DNAJC6: variants seen among roughly 807,000 people sequenced by gnomAD.
The protein encoded by DNAJC6 is DnaJ heat shock protein family (Hsp40) member C6.
Under a neutral mutation model 110.0 loss-of-function variants are expected in DNAJC6, and 34 were observed. The ratio of observed to expected loss-of-function variants is 0.31; its 90% CI spans 0.24 to 0.41. DNAJC6 has a LOEUF of 0.41. Among genes scored for constraint, DNAJC6 ranks in the 10% least tolerant of loss-of-function variants. DNAJC6 has a pLI of 1.00. For synonymous variants in DNAJC6, 406 were observed against 437.2 expected (o/e 0.93, Z 0.89); for missense variants, 1,031 against 1,207.8 (o/e 0.85, Z 2.17).
At position 65,364,614 on chromosome 1, in the gene DNAJC6, G is replaced by GT. The variant is rs58549467; in HGVS notation, c.194-6dup. On this transcript the variant is annotated intron_variant, in intron 1 of 18. Transcript: ENST00000371069. ...CTGCCATCACCATTTTTGTTTGTTT[G>GT]TTTTTTTTTTTTTTTGGCAGGTGCC... 0.025 allele frequency: 35,061 copies of GT among 1,385,434 alleles called. 11 individuals carry two copies. The highest frequency in any genetic ancestry group is 0.028 in the Non-Finnish European group (29,272 of 1,041,168). 85.8% of individuals were successfully genotyped at this position (1,385,434 alleles called of 1,614,324 possible). A position where few individuals can be genotyped will look rare whatever the true frequency, so the allele number is the denominator to read the frequency against.
intron 13 of DNAJC6, among the ~76,000 whole-genome samples, chr1:65,396,252 C>T (rs1570370779): frequency 1.3e-5 from 2 of 152,274 alleles, no homozygotes; most frequent in South Asian, 2.1e-4. Context: ...ATGTTGACTA[C>T]CTGTAGGAGA....
At chr1:65,392,970 A>G in intron 12 of DNAJC6, 105 bp downstream of exon 12, 1 of 1,095,702 alleles carries the variant, frequency 9.1e-7, no homozygotes, top group Non-Finnish European at 1.2e-6. Context: ...TTCTGATTTC[A>G]CTGTAAGTCC....
intron 1 of DNAJC6, among the ~76,000 whole-genome samples, chr1:65,364,112 C>T (rs1293126818): frequency 2.0e-5 from 3 of 152,068 alleles, no homozygotes; most frequent in East Asian, 1.9e-4. Flanking sequence ...AAATGTAGTA[C>T]AATAAAGGCC....
chr1:65,350,847 G>A (rs1254432207), intron 1 of DNAJC6, among the ~76,000 whole-genome samples: 1 of 152,154 alleles, frequency 6.6e-6, no homozygotes, highest in African/African-American at 2.4e-5. Context: ...TCCAACATAT[G>A]CCAGCATTTA....
chr1:65,368,242 T>A (rs1475766486), intron 4 of DNAJC6, among the ~76,000 whole-genome samples: 1 of 152,136 alleles, frequency 6.6e-6, no homozygotes, highest in Non-Finnish European at 1.5e-5. Flanking sequence ...AAGGCTTATA[T>A]AGGTCAGAGG....
intron 4 of DNAJC6, among the ~76,000 whole-genome samples, chr1:65,375,706 G>T (rs1178538064): frequency 6.6e-6 from 1 of 152,228 alleles, no homozygotes; most frequent in African/African-American, 2.4e-5. Flanking sequence ...GATTACAGGC[G>T]TGAGCCACCA....
Position 65,392,524 on chromosome 1 carries a change from C to G in DNAJC6, c.1562C>G (p.Ser521Cys). ...TCAGATGATGAACTTCTGACACTTT[C>G]CAGTCCGCATGGCAATGCCAATGGT... ...EQSDDELLTL[S>C]SPHGNANGDK... Residue 521 changes from serine (S) to cysteine (C), a missense_variant, in exon 12 of 19, where the codon TCC becomes TGC. By Grantham distance (112) the Ser-to-Cys change is moderately radical. Coordinates refer to ENST00000371069, the MANE Select transcript of DNAJC6 (RefSeq NM_001256864.2). The G allele has an allele frequency of 6.2e-7, 1 of 1,614,066 alleles. No individual in the cohort carries two copies. The highest frequency in any genetic ancestry group is 8.5e-7 in the Non-Finnish European group (1 of 1,179,992).
In DNAJC6 at chr1:65,386,021, A is replaced by G. The variant is rs991865113; in HGVS notation, c.995+115A>G. Reference sequence around the variant, plus strand: ...ACTATATCATTGTGAAATAGCTGATATATAAAAAATGTTCAACATCAGTGG... The same window carrying G: ...ACTATATCATTGTGAAATAGCTGATGTATAAAAAATGTTCAACATCAGTGG... On this transcript the variant is annotated intron_variant, in intron 7 of 18. Transcript: ENST00000371069. 9 of 1,091,774 alleles carry G rather than the reference A, an allele frequency of 8.2e-6. No individual in the cohort carries two copies. The African/African-American group carries it at 1.3e-4, about 15-fold the overall frequency. 67.6% of individuals were successfully genotyped at this position (1,091,774 alleles called of 1,614,324 possible).
chr1:65,317,017 A>G (rs1161165655), intron 1 of DNAJC6, among the ~76,000 whole-genome samples: 1 of 151,984 alleles, frequency 6.6e-6, no homozygotes, highest in Non-Finnish European at 1.5e-5. Flanking sequence ...AGATCTGTGT[A>G]TTTCTTAATC....
chr1:65,364,636 T>C lies in DNAJC6; in HGVS notation c.195T>C (p.Gly65=). 1 of 1,563,382 alleles carries C rather than the reference T, an allele frequency of 6.4e-7. No homozygotes were observed. The highest frequency in any genetic ancestry group is 8.6e-7 in the Non-Finnish European group (1 of 1,165,352). The stretch of plus-strand genomic sequence containing the variant: ...TTTGTTTTTTTTTTTTTTTGGCAGG[T>C]GCCTCATCTCCAGACATGGAGCCCA... The part of the protein sequence containing the change: ...PDRASTMDSS[G]ASSPDMEPSY... The change falls in exon 2 of 19, where the codon GGT becomes GGC. Residue 65 remains glycine, a splice_region_variant and synonymous_variant. Transcript: ENST00000371069.
At chr1:65,280,108 C>T (rs1311997168) in intron 1 of DNAJC6, among the ~76,000 whole-genome samples, 1 of 152,114 alleles carries the variant, frequency 6.6e-6, no homozygotes, top group Admixed American at 6.5e-5. Flanking sequence ...AGGCACCTAG[C>T]ATAATATCTA....
intron 1 of DNAJC6, among the ~76,000 whole-genome samples, chr1:65,301,651 C>T (rs1644979644): frequency 6.6e-6 from 1 of 152,144 alleles, no homozygotes. Context: ...TGCCAAGCTG[C>T]CATGCCCTCT....
chr1:65,358,896 C>T lies in DNAJC6; in HGVS notation c.194-5739C>T, dbSNP rs186047296. ...AGTATTTTATGGGGGAGCATTTCTT[C>T]TTAGAGGACCAGATGGAATTATCCA... On this transcript the variant is annotated intron_variant, in intron 1 of 18. Transcript: ENST00000371069. 2.3e-4 allele frequency among the ~76,000 whole-genome samples: 35 copies of T among 152,228 alleles called. No homozygotes were observed. In the East Asian group the frequency reaches 5.6e-3, roughly 24 times the overall value.
chr1:65,332,909 G>T (rs964084229), intron 1 of DNAJC6, among the ~76,000 whole-genome samples: 5 of 152,128 alleles, frequency 3.3e-5, no homozygotes, highest in African/African-American at 9.7e-5. Context: ...TTCAAACCTG[G>T]GATTTATAGA....
At chr1:65,388,488 G>T in intron 9 of DNAJC6, 73 bp downstream of exon 9, 1 of 1,361,392 alleles carries the variant, frequency 7.3e-7, no homozygotes. Flanking sequence ...ATGGCACCAG[G>T]CTGTAGCATA....
At chr1:65,278,538 A>T (rs1423246250) in intron 1 of DNAJC6, among the ~76,000 whole-genome samples, 3 of 152,224 alleles carry the variant, frequency 2.0e-5, no homozygotes, top group Non-Finnish European at 4.4e-5. Context: ...ATAGTCTGTT[A>T]CTTAATCTGG....
chr1:65,297,253 A>G (rs919508101), intron 1 of DNAJC6, among the ~76,000 whole-genome samples: 1 of 152,112 alleles, frequency 6.6e-6, no homozygotes, highest in African/African-American at 2.4e-5. Flanking sequence ...TCTTGAGGGA[A>G]ATTAGCTGGT....
intron 1 of DNAJC6, among the ~76,000 whole-genome samples, chr1:65,347,727 G>T (rs1208734083): frequency 5.3e-5 from 8 of 151,524 alleles, no homozygotes; most frequent in Non-Finnish European, 1.2e-4. Flanking sequence ...ACACACACAT[G>T]CATGTGCACA....
At chr1:65,314,642 C>T (rs1472735987) in intron 1 of DNAJC6, among the ~76,000 whole-genome samples, 1 of 152,166 alleles carries the variant, frequency 6.6e-6, no homozygotes, top group Non-Finnish European at 1.5e-5. Flanking sequence ...GCACCCACCA[C>T]CAGCCAGGCT....
Sources: allele counts gnomAD v4.1 joint callset (sites outside exome capture counted in the v4.1 genomes callset), GRCh38; gene constraint gnomAD v4.1.1; transcripts MANE v1.5; gene names NCBI Gene and HGNC (gene_info 2026-07-23, HGNC 2026-07-21).